The following MAN2A2 variants were observed in gnomAD, a reference collection of about 807,000 sequenced individuals.
The protein encoded by MAN2A2 is alpha-mannosidase 2x.
MAN2A2 carries 79 observed loss-of-function variants against 126.8 expected under a neutral mutation model. The observed-to-expected ratio is 0.62, with a 90% CI of 0.52 to 0.75. The LOEUF (loss-of-function observed/expected upper bound fraction) is 0.75. Among genes scored for constraint, MAN2A2 ranks in the 30% least tolerant of loss-of-function variants. The probability of loss-of-function intolerance (pLI) is 0.00; values close to 1 mark genes in which losing one functional copy is unlikely to be tolerated. For synonymous variants in MAN2A2, 671 were observed against 618.7 expected (o/e 1.08, Z -1.25); for missense variants, 1,392 against 1,522.4 (o/e 0.91, Z 1.43).
rs1410508000 is a variant in MAN2A2 at position 90,913,542 on chromosome 15, C to T, written c.2719-72C>T. 7 of 1,567,988 alleles carry T rather than the reference C, an allele frequency of 4.5e-6. No homozygotes were observed. In the Admixed American group the frequency reaches 7.4e-5, roughly 17 times the overall value. On this transcript the variant is annotated intron_variant, in intron 18 of 22. Transcript: ENST00000559717. Reference sequence around the variant, plus strand: ...GAGAGGCGAAGAGTTATCGGGGACTCCTTCAGTCTGGGGACCGCTTGGGCC... The same window carrying T: ...GAGAGGCGAAGAGTTATCGGGGACTTCTTCAGTCTGGGGACCGCTTGGGCC...
chr15:90,913,605 C>G lies in MAN2A2; in HGVS notation c.2719-9C>G, dbSNP rs201940752. On this transcript the variant is annotated splice_polypyrimidine_tract_variant and intron_variant, in intron 18 of 22. Transcript: ENST00000559717. ...GGGTGCCCTTGATCTGCTGGCCTTG[C>G]CCCCACAGGTGCAGCCCCGACGGTA... The G allele has an allele frequency of 6.2e-7, 1 of 1,605,566 alleles. No individual in the cohort carries two copies. The highest frequency in any genetic ancestry group is 1.3e-5 in the African/African-American group (1 of 74,642).
Position 90,907,464 on chromosome 15 carries a change from C to T in MAN2A2, c.1165C>T (p.Arg389Trp), listed in dbSNP as rs774744798. 8.1e-6 allele frequency: 13 copies of T among 1,613,166 alleles called. No individual in the cohort carries two copies. Among genetic ancestry groups the T allele is most frequent in the Admixed American group, 6.7e-5 (4 of 60,002 alleles). ...CAACTGCCCTTGGAAGGTGCCACCC[C>T]GGGCCATCACAGAGGCCAACGTGGC... ...RINCPWKVPP[R>W]AITEANVAER... The change falls in exon 8 of 23, where the codon CGG (arginine) becomes TGG (tryptophan). Residue 389 changes from arginine (R) to tryptophan (W), a missense_variant. Physicochemically the swap from Arg to Trp is moderately radical, Grantham distance 101. Transcript: ENST00000559717.
At chr15:90,916,424 T>A in intron 20 of MAN2A2, 168 bp downstream of exon 20, 1 of 1,101,354 alleles carries the variant, frequency 9.1e-7, no homozygotes, top group Non-Finnish European at 1.3e-6. Context: ...GTGTCCCATC[T>A]CACGCAGCCT....
At chr15:90,916,947 G>T (rs1056559535) in intron 20 of MAN2A2, among the ~76,000 whole-genome samples, 1 of 152,174 alleles carries the variant, frequency 6.6e-6, no homozygotes, top group Non-Finnish European at 1.5e-5. Flanking sequence ...TAAGGAGATC[G>T]AGGTCAAGGA....
chr15:90,914,634 T>C (rs1365073458), intron 19 of MAN2A2, among the ~76,000 whole-genome samples: 1 of 152,158 alleles, frequency 6.6e-6, no homozygotes, highest in Non-Finnish European at 1.5e-5. Flanking sequence ...ATTCTCTTGC[T>C]TCAGCCTCCT....
At chr15:90,918,144 C>T (rs1354385641) in intron 20 of MAN2A2, 50 bp from the exon 21 acceptor site, 3 of 1,550,350 alleles carry the variant, frequency 1.9e-6, no homozygotes, top group Admixed American at 3.4e-5. Flanking sequence ...TCGTCCTCTC[C>T]CCTCAGCCTG....
At chr15:90,912,012 C>G in intron 14 of MAN2A2, 31 bp from the exon 15 acceptor site, 1 of 1,576,562 alleles carries the variant, frequency 6.3e-7, no homozygotes. Context: ...AAAGCCGTGC[C>G]CCCACTTCCT....
chr15:90,913,570 C>T (rs369127111), intron 18 of MAN2A2, 44 bp from the exon 19 acceptor site: 11 of 1,587,074 alleles, frequency 6.9e-6, no homozygotes, highest in African/African-American at 5.4e-5. Flanking sequence ...CTTGGGCCCA[C>T]ATGGTGCCCG....
Position 90,921,253 on chromosome 15 carries a change from A to G in MAN2A2, c.*1466A>G, listed in dbSNP as rs2035530985. The G allele has an allele frequency of 6.6e-6, 1 of 152,270 alleles. No homozygotes were observed. Among genetic ancestry groups the G allele is most frequent in the South Asian group, 2.1e-4 (1 of 4,832 alleles). 9.4% of individuals were successfully genotyped at this position (152,270 alleles called of 1,614,324 possible). Reference sequence around the variant, plus strand: ...GTAAGTCAACCCAATGATACACATCATGTTCCTGTCCACATACTGGTTTTC... The same window carrying G: ...GTAAGTCAACCCAATGATACACATCGTGTTCCTGTCCACATACTGGTTTTC... On this transcript the variant is annotated 3_prime_UTR_variant, in exon 23 of 23. Transcript: ENST00000559717.
chr15:90,914,415 G>A (rs558619923), intron 19 of MAN2A2, among the ~76,000 whole-genome samples: 4 of 152,366 alleles, frequency 2.6e-5, no homozygotes, highest in African/African-American at 9.6e-5. Context: ...TGAGAGTAGG[G>A]ACAGCTTGTA....
intron 22 of MAN2A2, 98 bp downstream of exon 22, chr15:90,918,853 A>C: frequency 1.1e-6 from 1 of 876,540 alleles, no homozygotes; most frequent in South Asian, 1.5e-5. Context: ...AGAAAGTGTC[A>C]CTCCAGGGCT....
At position 90,905,892 on chromosome 15, in the gene MAN2A2, A is replaced by G; in HGVS notation, c.583A>G (p.Ile195Val). The change falls in exon 5 of 23, where the codon ATC becomes GTC. Residue 195 changes from isoleucine (I) to valine (V), a missense_variant. Physicochemically the swap from Ile to Val is conservative, Grantham distance 29. Transcript: ENST00000559717. ...GTACTACACAGAGCAGACCCAACACATCCTCAATAGCATGGTGTCTAAGCT... is the reference window on the plus strand; with the variant it reads ...GTACTACACAGAGCAGACCCAACACGTCCTCAATAGCATGGTGTCTAAGCT... ...DKYYTEQTQH[I>V]LNSMVSKLQE... 6.3e-7 allele frequency: 1 copy of G among 1,598,240 alleles called. No homozygotes were observed. The highest frequency in any genetic ancestry group is 8.5e-7 in the Non-Finnish European group (1 of 1,172,568).
At position 90,919,392 on chromosome 15, in the gene MAN2A2, C is replaced by T. The variant is rs185289011; in HGVS notation, c.3301-243C>T. ...TAGCTGGGATTACAGGCGCCTGCCC[C>T]CACGCCCAGCTAATTTTTATATTGT... On this transcript the variant is annotated intron_variant, in intron 22 of 22. Transcript: ENST00000559717. 1.2e-3 allele frequency among the ~76,000 whole-genome samples: 184 copies of T among 152,362 alleles called. 2 individuals are homozygous for T. Among genetic ancestry groups the T allele is most frequent in the Non-Finnish European group, 2.1e-3 (140 of 68,040 alleles).
At chr15:90,915,122 G>C (rs1373248914) in intron 19 of MAN2A2, among the ~76,000 whole-genome samples, 4 of 152,220 alleles carry the variant, frequency 2.6e-5, no homozygotes, top group Non-Finnish European at 2.9e-5. Flanking sequence ...GTCCATCTGT[G>C]TCATGACTCC....
In MAN2A2 at chr15:90,913,385, C is replaced by G. The variant is rs2034919601; in HGVS notation, c.2697C>G (p.Phe899Leu). 1 of 1,594,562 alleles carries G rather than the reference C, an allele frequency of 6.3e-7. No individual in the cohort carries two copies. The highest frequency in any genetic ancestry group is 8.6e-7 in the Non-Finnish European group (1 of 1,162,312). ...ACATCGACAGCCAGGGTATCTTCTT[C>G]ACAGACCTCAATGGCTTTCAGGTGA... Reference protein sequence around the residue: ...HTDIDSQGIFFTDLNGFQVQP... With the variant: ...HTDIDSQGIFLTDLNGFQVQP... Residue 899 changes from phenylalanine to leucine, a missense_variant, in exon 18 of 23, where the codon TTC (phenylalanine) becomes TTG (leucine). By Grantham distance (22) the Phe-to-Leu change is conservative. Transcript: ENST00000559717.
In MAN2A2 at chr15:90,906,783, C is replaced by G; in HGVS notation, c.879C>G (p.Tyr293Ter). The G allele has an allele frequency of 6.2e-7, 1 of 1,613,740 alleles. No individual in the cohort carries two copies. Among genetic ancestry groups the G allele is most frequent in the Non-Finnish European group, 8.5e-7 (1 of 1,179,982 alleles). ...RSGWAVDPFG[Y>*]SSTMPYLLRR... is the part of the protein sequence containing the mutation. ...GCTGGGCAGTGGACCCCTTTGGATACAGCTCCACCATGCCTTACCTGCTGC... is the reference window on the plus strand; with the variant it reads ...GCTGGGCAGTGGACCCCTTTGGATAGAGCTCCACCATGCCTTACCTGCTGC... The change falls in exon 7 of 23, where the codon TAC becomes TAG. Residue 293 changes from tyrosine to a stop codon, truncating the protein, a stop_gained. Coordinates refer to ENST00000559717, the MANE Select transcript of MAN2A2 (RefSeq NM_006122.4). LOFTEE classifies it high-confidence loss of function.
chr15:90,906,967 C>G lies in MAN2A2; in HGVS notation c.1009+54C>G, dbSNP rs189744590. ...CTGCAGCATAGTCTTCACTGGGGAA[C>G]AGCAGGGATATCAGAACTAAGACCC... On this transcript the variant is annotated intron_variant, in intron 7 of 22. Coordinates refer to ENST00000559717, the MANE Select transcript of MAN2A2 (RefSeq NM_006122.4). 3.8e-6 allele frequency: 6 copies of G among 1,588,646 alleles called. No individual in the cohort carries two copies. The East Asian group carries it at 8.9e-5, about 24-fold the overall frequency.
In MAN2A2 at chr15:90,907,873, G is replaced by A. The variant is rs568456990; in HGVS notation, c.1196+378G>A. Among the ~76,000 whole-genome samples, 6 of 152,270 alleles carry A rather than the reference G, an allele frequency of 3.9e-5. No individual in the cohort carries two copies. The South Asian group carries it at 1.2e-3, about 32-fold the overall frequency. On this transcript the variant is annotated intron_variant, in intron 8 of 22. Transcript: ENST00000559717. ...TGTTCAGATCCACATTCAGTCCCAC[G>A]AGATAGCCTCCAGCCTCTGAGAAAA...
intron 15 of MAN2A2, 69 bp downstream of exon 15, chr15:90,912,348 A>G: frequency 1.3e-6 from 2 of 1,583,272 alleles, no homozygotes; most frequent in South Asian, 1.1e-5. Context: ...GGCACTGTGC[A>G]GAGCGGCCTC....
Sources: gnomAD v4.1 joint callset for allele counts (sites outside exome capture counted in the v4.1 genomes callset) on GRCh38, gnomAD v4.1.1 for gene constraint, MANE v1.5 for transcripts, NCBI Gene and HGNC (gene_info 2026-07-23, HGNC 2026-07-21) for gene names.